The following COL12A1 variants were observed in gnomAD, a reference collection of about 807,000 sequenced individuals.
COL12A1 encodes the protein collagen alpha-1(XII) chain.
Under a neutral mutation model 349.7 loss-of-function variants are expected in COL12A1, and 114 were observed. That is an observed-to-expected ratio of 0.33 (90% CI 0.28 to 0.38). The LOEUF (loss-of-function observed/expected upper bound fraction) is 0.38. COL12A1 is among the 10% of genes least tolerant of loss of function. The probability of loss-of-function intolerance (pLI) is 1.00; values close to 1 mark genes in which losing one functional copy is unlikely to be tolerated. For synonymous variants in COL12A1, 1,369 were observed against 1,329.0 expected, an observed-to-expected ratio of 1.03 and a Z score of -0.66; for missense variants, 3,284 against 3,756.9, an observed-to-expected ratio of 0.87 and a Z score of 3.29.
chr6:75,126,225 G>A lies in COL12A1; in HGVS notation c.6460+126C>T, dbSNP rs542677899. 1.2e-5 allele frequency: 13 copies of A among 1,093,828 alleles called. No individual in the cohort carries two copies. In the South Asian group the frequency reaches 2.3e-4, roughly 19 times the overall value. 67.8% of individuals were successfully genotyped at this position (1,093,828 alleles called of 1,614,324 possible). ...GTTATTGCCAAAAACATTGCCTTTG[G>A]TTACAGGAAACTTGGTGTGATCTGA... On this transcript the variant is annotated intron_variant, in intron 39 of 65. Transcript: ENST00000322507.
chr6:75,165,751 A>T lies in COL12A1; in HGVS notation c.2739T>A (p.Thr913=). ...EERGSPQDLV[T]KDITDTSIGA... ...CAATTGATGTGTCAGTGATGTCTTT[A>T]GTAACTAAATCTTGAGGAGAACCAC... The change falls in exon 14 of 66, where the codon ACT becomes ACA. Residue 913 remains threonine (T), a synonymous_variant. Transcript: ENST00000322507. The T allele has an allele frequency of 6.2e-7, 1 of 1,613,900 alleles. No individual in the cohort carries two copies. Among genetic ancestry groups the T allele is most frequent in the Non-Finnish European group, 8.5e-7 (1 of 1,179,844 alleles).
Position 75,155,738 on chromosome 6 carries a change from G to A in COL12A1, c.3367C>T (p.Pro1123Ser), listed in dbSNP as rs1767719265. ...CCCAGTCTTCTGTCATCCCCCGTAG[G>A]GTGGAATGTGACTTTATAACCCTTC... ...EVKGYKVTFH[P>S]TGDDRRLGEL... Residue 1123 changes from proline to serine, a missense_variant, in exon 16 of 66, where the codon CCT (proline) becomes TCT (serine). Pro to Ser is a moderately conservative substitution (Grantham distance 74, BLOSUM62 -1). Around this residue, in one of 2 missense-constraint regions of COL12A1, gnomAD observed 2,601 missense variants for 2,824.8 expected, o/e 0.92. Coordinates refer to ENST00000322507, the MANE Select transcript of COL12A1 (RefSeq NM_004370.6). 1 of 1,613,262 alleles carries A rather than the reference G, an allele frequency of 6.2e-7. No individual in the cohort carries two copies. Among genetic ancestry groups the A allele is most frequent in the African/African-American group, 1.3e-5 (1 of 74,828 alleles).
intron 51 of COL12A1, among the ~76,000 whole-genome samples, chr6:75,110,107 T>C (rs1768759530): frequency 6.6e-6 from 1 of 152,194 alleles, no homozygotes; most frequent in East Asian, 1.9e-4. Context: ...ATTTCTTTTA[T>C]ATAAAAGTAA....
chr6:75,177,595 G>C, intron 12 of COL12A1, 68 bp downstream of exon 12: 1 of 1,577,906 alleles, frequency 6.3e-7, no homozygotes, highest in Non-Finnish European at 8.7e-7. Flanking sequence ...TATCTGGATA[G>C]TTGTCCCAAT....
In COL12A1 at chr6:75,112,254, C is replaced by T. The variant is rs556578377; in HGVS notation, c.7950+950G>A. Among the ~76,000 whole-genome samples the T allele has an allele frequency of 1.6e-4, 25 of 151,870 alleles. No individual in the cohort carries two copies. In the South Asian group the frequency reaches 5.0e-3, roughly 30 times the overall value. On this transcript the variant is annotated intron_variant, in intron 51 of 65. Coordinates refer to ENST00000322507, the MANE Select transcript of COL12A1 (RefSeq NM_004370.6). Reference sequence around the variant, plus strand: ...GGAAGGAGAGGATCAGAAAAAATAACTAATGGATACTAGGCTTAATACCTG... The same window carrying T: ...GGAAGGAGAGGATCAGAAAAAATAATTAATGGATACTAGGCTTAATACCTG...
intron 2 of COL12A1, among the ~76,000 whole-genome samples, chr6:75,200,379 C>G (rs1226346573): frequency 6.6e-6 from 1 of 152,116 alleles, no homozygotes; most frequent in East Asian, 1.9e-4. Context: ...TCGAGACCAG[C>G]CTGGCCAACA....
chr6:75,130,224 C>T lies in COL12A1; in HGVS notation c.6077G>A (p.Ser2026Asn). Residue 2026 changes from serine (S) to asparagine (N), a missense_variant, in exon 37 of 66, where the codon AGT becomes AAT. Physicochemically the swap from Ser to Asn is conservative, Grantham distance 46. Around this residue, in one of 2 missense-constraint regions of COL12A1, gnomAD observed 2,601 missense variants for 2,824.8 expected, o/e 0.92. Transcript: ENST00000322507. ...AAAGACTCTCAGGTTCCTTGGTCCA[C>T]TGCGTGGTACTAAATAAATAAAATA... The part of the protein sequence containing the change: ...SPAQGRTLPR[S>N]GPRNLRVFGE... 1 of 1,613,556 alleles carries T rather than the reference C, an allele frequency of 6.2e-7. No homozygotes were observed. The highest frequency in any genetic ancestry group is 8.5e-7 in the Non-Finnish European group (1 of 1,179,806).
intron 40 of COL12A1, among the ~76,000 whole-genome samples, chr6:75,124,601 C>G (rs1582088538): frequency 6.6e-6 from 1 of 152,210 alleles, no homozygotes; most frequent in East Asian, 1.9e-4. Context: ...TATAGTCCCT[C>G]TCAAAACTAA....
chr6:75,154,992 G>A (rs1767681249), intron 16 of COL12A1, among the ~76,000 whole-genome samples: 1 of 152,108 alleles, frequency 6.6e-6, no homozygotes, highest in African/African-American at 2.4e-5. Context: ...CCCTACTCTG[G>A]TAAAAGTAAA....
At chr6:75,205,407 G>A (rs1406560042) in intron 1 of COL12A1, among the ~76,000 whole-genome samples, 1 of 151,466 alleles carries the variant, frequency 6.6e-6, no homozygotes, top group Admixed American at 6.6e-5. Context: ...TGCCCTCCCC[G>A]ACAAAGCCAC....
Position 75,102,671 on chromosome 6 carries a change from C to T in COL12A1, c.8341G>A (p.Asp2781Asn), listed in dbSNP as rs1451213586. 2.6e-6 allele frequency: 4 copies of T among 1,564,342 alleles called. No individual in the cohort carries two copies. The highest frequency in any genetic ancestry group is 1.7e-4 in the Middle Eastern group (1 of 5,882). Residue 2781 changes from aspartate to asparagine, a missense_variant, in exon 56 of 66, where the codon GAC becomes AAC. By Grantham distance (23) the Asp-to-Asn change is conservative. This residue lies in a region of COL12A1 where 683 missense variants were observed against 932.1 expected (regional missense o/e 0.73). Transcript: ENST00000322507. ...GAIGPPGPRG[D>N]IGPPGPQGPP... The stretch of plus-strand genomic sequence containing the variant: ...CCCTGGGGGCCTGGAGGACCTATGT[C>T]TCCACGAGGACCAGGGGGCCCCTAA...
chr6:75,171,668 C>T (rs1300744993), intron 13 of COL12A1, among the ~76,000 whole-genome samples: 3 of 152,202 alleles, frequency 2.0e-5, no homozygotes, highest in Non-Finnish European at 4.4e-5. Context: ...AGAAAAACAG[C>T]AGCCCTCAAA....
Position 75,155,739 on chromosome 6 carries a change from GT to G in COL12A1, c.3365del (p.His1122ProfsTer12). The G allele has an allele frequency of 1.2e-6, 2 of 1,613,424 alleles. No individual in the cohort carries two copies. The highest frequency in any genetic ancestry group is 1.7e-6 in the Non-Finnish European group (2 of 1,179,636). ...GEVKGYKVTFHPTGDDRRLGE... is the reference protein window; with the variant it reads ...GEVKGYKVTFXPTGDDRRLGE... ...CCAGTCTTCTGTCATCCCCCGTAGG[GT>G]GGAATGTGACTTTATAACCCTTCAC... On this transcript the variant is annotated frameshift_variant, in exon 16 of 66. Coordinates refer to ENST00000322507, the MANE Select transcript of COL12A1 (RefSeq NM_004370.6). LOFTEE classifies it high-confidence loss of function.
rs375166079 is a variant in COL12A1, at chr6:75,123,283, T to C, written c.6946+47A>G. 1.3e-5 allele frequency: 19 copies of C among 1,480,530 alleles called. No individual in the cohort carries two copies. In the African/African-American group the frequency reaches 2.1e-4, roughly 16 times the overall value. 91.7% of individuals were successfully genotyped at this position (1,480,530 alleles called of 1,614,324 possible). A position where few individuals can be genotyped will look rare whatever the true frequency, so the allele number is the denominator to read the frequency against. ...GCACATGCAGCGTAAATAAGAAGTC[T>C]GTAACTCCCTATCAGCTGAACGTAT... On this transcript the variant is annotated intron_variant, in intron 43 of 65. Coordinates refer to ENST00000322507, the MANE Select transcript of COL12A1 (RefSeq NM_004370.6).
chr6:75,192,547 G>C (rs1399212153), intron 3 of COL12A1, among the ~76,000 whole-genome samples, 192 bp from the exon 4 acceptor site: 3 of 151,924 alleles, frequency 2.0e-5, no homozygotes, highest in African/African-American at 7.2e-5. Context: ...TAAATGGACT[G>C]GTATTGCTTT....
chr6:75,184,694 A>C (rs1769516568), intron 8 of COL12A1, among the ~76,000 whole-genome samples: 1 of 152,208 alleles, frequency 6.6e-6, no homozygotes, highest in Admixed American at 6.5e-5. Context: ...AAAAAAGTTC[A>C]ACTATGTTCA....
rs1185370480 is a variant in COL12A1, at chr6:75,177,905, G to C, written c.2195C>G (p.Thr732Arg). 5 of 1,611,430 alleles carry C rather than the reference G, an allele frequency of 3.1e-6. No individual in the cohort carries two copies. The highest frequency in any genetic ancestry group is 3.4e-6 in the Non-Finnish European group (4 of 1,179,840). Residue 732 changes from threonine to arginine, a missense_variant, in exon 12 of 66, where the codon ACA becomes AGA. Physicochemically the swap from Thr to Arg is moderately conservative, Grantham distance 71. This residue lies in a region of COL12A1 where 2,601 missense variants were observed against 2,824.8 expected (regional missense o/e 0.92). Transcript: ENST00000322507. ...VKGAPRNLKV[T>R]DETTDSFKIT... ...TTTGAAACTATCTGTAGTCTCATCT[G>C]TCACCTTTAGGTTTCGAGGTGCTCC...
intron 30 of COL12A1, 117 bp from the exon 31 acceptor site, chr6:75,137,696 C>T (rs757030566): frequency 1.2e-4 from 132 of 1,107,954 alleles, no homozygotes; most frequent in Admixed American, 3.4e-4. Context: ...TAATTAAATT[C>T]GTTCCCTTAA....
intron 21 of COL12A1, 36 bp downstream of exon 21, chr6:75,151,105 C>T: frequency 8.1e-7 from 1 of 1,231,292 alleles, no homozygotes; most frequent in South Asian, 1.9e-5. Flanking sequence ...AAAATACCAG[C>T]AGTGCTGAGG....
Sources: gnomAD v4.1 joint callset for allele counts (sites outside exome capture counted in the v4.1 genomes callset) on GRCh38, gnomAD v4.1.1 for gene constraint, gnomAD v4.1.1 regional missense constraint, MANE v1.5 for transcripts, NCBI Gene and HGNC (gene_info 2026-07-23, HGNC 2026-07-21) for gene names.